SLC31A1: variants seen among roughly 807,000 people sequenced by gnomAD.
SLC31A1 encodes high affinity copper uptake protein 1.
A neutral mutation model predicts 17.2 loss-of-function variants in SLC31A1; 5 were observed. The ratio of observed to expected loss-of-function variants is 0.29; its 90% CI spans 0.15 to 0.61. SLC31A1 has a LOEUF of 0.61. Ranked by LOEUF, SLC31A1 falls within the 20% of genes least tolerant of loss-of-function variation. SLC31A1 has a pLI of 0.86. For synonymous variants in SLC31A1, 76 were observed against 78.8 expected, an observed-to-expected ratio of 0.96 and a Z score of 0.19; for missense variants, 161 against 241.4, an observed-to-expected ratio of 0.67 and a Z score of 2.21.
chr9:113,250,282 T>G (rs1831633697), intron 1 of SLC31A1, among the ~76,000 whole-genome samples: 1 of 120,990 alleles, frequency 8.3e-6, no homozygotes, highest in African/African-American at 3.2e-5. Context: ...CCAACCCAAA[T>G]GTCCAAAAAT....
intron 1 of SLC31A1, among the ~76,000 whole-genome samples, chr9:113,222,635 G>T (rs1198704946): frequency 6.6e-6 from 1 of 152,192 alleles, no homozygotes; most frequent in Non-Finnish European, 1.5e-5. Context: ...GAAATGAAAT[G>T]ATTGGTAGCT....
At chr9:113,242,455 C>T (rs1564210766) in intron 1 of SLC31A1, among the ~76,000 whole-genome samples, 2 of 152,146 alleles carry the variant, frequency 1.3e-5, no homozygotes, top group Non-Finnish European at 2.9e-5. Context: ...GGCTGGAGTA[C>T]AGTGGTATGA....
At chr9:113,234,928 C>G (rs1170574869) in intron 1 of SLC31A1, among the ~76,000 whole-genome samples, 2 of 152,102 alleles carry the variant, frequency 1.3e-5, no homozygotes, top group Non-Finnish European at 2.9e-5. Context: ...GTTTTTGTAA[C>G]TTGTTACGAG....
intron 1 of SLC31A1, chr9:113,223,085 A>T: frequency 4.8e-6 from 1 of 209,328 alleles, no homozygotes; most frequent in South Asian, 6.0e-5. Context: ...TGGCCAAGGG[A>T]ATATTTGAAC....
intron 1 of SLC31A1, among the ~76,000 whole-genome samples, chr9:113,226,372 G>A (rs1831342763): frequency 6.6e-6 from 1 of 152,078 alleles, no homozygotes; most frequent in African/African-American, 2.4e-5. Context: ...CTGTAGTTTT[G>A]TGACTTAAGT....
At chr9:113,254,667 G>A (rs1831700615) in intron 1 of SLC31A1, among the ~76,000 whole-genome samples, 1 of 152,154 alleles carries the variant, frequency 6.6e-6, no homozygotes, top group Admixed American at 6.6e-5. Context: ...GGGAGGCCGA[G>A]TTGGACAGAT....
chr9:113,236,081 A>G (rs1831455591), intron 1 of SLC31A1, among the ~76,000 whole-genome samples: 1 of 151,862 alleles, frequency 6.6e-6, no homozygotes, highest in Non-Finnish European at 1.5e-5. Context: ...TCTGCCTCCC[A>G]AGTTCAAGCA....
intron 1 of SLC31A1, among the ~76,000 whole-genome samples, chr9:113,229,519 T>C (rs914127785): frequency 6.6e-6 from 1 of 152,242 alleles, no homozygotes; most frequent in Non-Finnish European, 1.5e-5. Context: ...TGTATGAAAA[T>C]ATGATAACTC....
chr9:113,223,314 G>A (rs941080350), intron 1 of SLC31A1: 28 of 396,666 alleles, frequency 7.1e-5, no homozygotes, highest in Non-Finnish European at 1.2e-4. Flanking sequence ...TGAACTGCAG[G>A]ACTGGGTGCA....
In SLC31A1 at chr9:113,260,389, A is replaced by G; in HGVS notation, c.489A>G (p.Ala163=). Residue 163 remains alanine, a synonymous_variant, in exon 5 of 5, where the codon GCA becomes GCG. Transcript: ENST00000374212. ...FMTYNGYLCI[A]VAAGAGTGYF... ...CCTACAACGGGTACCTCTGCATTGC[A>G]GTAGCAGCAGGGGCCGGTACAGGAT... 1 of 1,614,182 alleles carries G rather than the reference A, an allele frequency of 6.2e-7. No individual in the cohort carries two copies. The highest frequency in any genetic ancestry group is 8.5e-7 in the Non-Finnish European group (1 of 1,180,010).
rs1831802751 is a variant in SLC31A1 at position 113,262,339 on chromosome 9, G to A, written c.*1866G>A. 6.6e-6 allele frequency: 1 copy of A among 152,634 alleles called. No homozygotes were observed. The highest frequency in any genetic ancestry group is 2.4e-5 in the African/African-American group (1 of 41,446). 9.5% of individuals were successfully genotyped at this position (152,634 alleles called of 1,614,324 possible). ...TGGATTTGTATTCTGTTCAGTTGTAGTCTACACTGCAGTCTTATTCCTGGT... is the reference window on the plus strand; with the variant it reads ...TGGATTTGTATTCTGTTCAGTTGTAATCTACACTGCAGTCTTATTCCTGGT... On this transcript the variant is annotated 3_prime_UTR_variant, in exon 5 of 5. Transcript: ENST00000374212.
chr9:113,249,740 T>C (rs1813710805), intron 1 of SLC31A1, among the ~76,000 whole-genome samples: 1 of 152,102 alleles, frequency 6.6e-6, no homozygotes, highest in African/African-American at 2.4e-5. Flanking sequence ...GATTTTATCA[T>C]AGATTAAAGG....
chr9:113,240,062 A>C (rs1287910072), intron 1 of SLC31A1, among the ~76,000 whole-genome samples: 2 of 152,202 alleles, frequency 1.3e-5, no homozygotes, highest in Non-Finnish European at 2.9e-5. Context: ...GTTTAAAGTC[A>C]GCTCCTTTAA....
rs1344531258 is a variant in SLC31A1 at position 113,258,201 on chromosome 9, A to T, written c.203-493A>T. Among the ~76,000 whole-genome samples, 1 of 152,214 alleles carries T rather than the reference A, an allele frequency of 6.6e-6. No individual in the cohort carries two copies. On this transcript the variant is annotated intron_variant, in intron 3 of 4. Coordinates refer to ENST00000374212, the MANE Select transcript of SLC31A1 (RefSeq NM_001859.4). This position sits in a 1 kb window ranked among gnomAD's most constrained non-coding sequence, Gnocchi z 4.8. ...GTACCAGATGTCTGTTTGGAGCCAT[A>T]AAATCAATTTGTTTTGGGAAGAAGG...
At chr9:113,239,493 G>A (rs541151084) in intron 1 of SLC31A1, among the ~76,000 whole-genome samples, 3 of 152,198 alleles carry the variant, frequency 2.0e-5, no homozygotes, top group East Asian at 1.9e-4. Flanking sequence ...CCTCAAAGAA[G>A]AACTTAAGCA....
intron 2 of SLC31A1, chr9:113,256,480 A>T (rs1300044381): frequency 2.0e-5 from 10 of 495,122 alleles, no homozygotes; most frequent in East Asian, 3.5e-5. Flanking sequence ...CCAAGATTTT[A>T]GGCTTCTTTC....
intron 1 of SLC31A1, among the ~76,000 whole-genome samples, chr9:113,231,828 G>A (rs184783474): frequency 5.7e-4 from 86 of 152,106 alleles, no homozygotes; most frequent in African/African-American, 1.9e-3. Context: ...TTAAAAACTT[G>A]TCTATGGGCC....
intron 1 of SLC31A1, among the ~76,000 whole-genome samples, chr9:113,233,482 CT>C (rs1173259229): frequency 1.3e-5 from 2 of 152,174 alleles, no homozygotes; most frequent in Non-Finnish European, 2.9e-5. Context: ...TGAGGTCTGT[CT>C]TTCTGGTAGT....
chr9:113,241,750 C>T (rs757320823), intron 1 of SLC31A1, among the ~76,000 whole-genome samples: 1 of 152,168 alleles, frequency 6.6e-6, no homozygotes, highest in Non-Finnish European at 1.5e-5. Flanking sequence ...GCTCATTAAG[C>T]ATCTGCAGTT....
Sources: gnomAD v4.1 joint callset for allele counts (sites outside exome capture counted in the v4.1 genomes callset) on GRCh38, gnomAD v4.1.1 for gene constraint, Gnocchi (gnomAD v3.1) non-coding constraint, MANE v1.5 for transcripts, NCBI Gene and HGNC (gene_info 2026-07-23, HGNC 2026-07-21) for gene names.